Variants in AGTPBP1 observed in about 807,000 individuals in gnomAD.
AGTPBP1 encodes ATP/GTP binding carboxypeptidase 1.
Under a neutral mutation model 143.9 loss-of-function variants are expected in AGTPBP1, and 70 were observed. The observed-to-expected ratio is 0.49, with a 90% CI of 0.40 to 0.59. AGTPBP1 has a LOEUF of 0.59. Among genes scored for constraint, AGTPBP1 ranks in the 20% least tolerant of loss-of-function variants. AGTPBP1 has a pLI of 0.00. For synonymous variants in AGTPBP1, 463 were observed against 500.2 expected, an observed-to-expected ratio of 0.93 and a Z score of 0.99; for missense variants, 1,229 against 1,464.5, an observed-to-expected ratio of 0.84 and a Z score of 2.62.
At chr9:85,593,591 A>G (rs1829109631) in intron 18 of AGTPBP1, among the ~76,000 whole-genome samples, 1 of 152,204 alleles carries the variant, frequency 6.6e-6, no homozygotes, top group African/African-American at 2.4e-5. Flanking sequence ...TGTCTTAAAC[A>G]GCCTTTGTCT....
rs139321417 is a variant in AGTPBP1 at position 85,669,014 on chromosome 9, TACACAC to T, written c.662+465_662+470del. Among the ~76,000 whole-genome samples, 110 of 120,554 alleles carry T rather than the reference TACACAC, an allele frequency of 9.1e-4. 1 individual carries two copies. The highest frequency in any genetic ancestry group is 5.2e-3 in the Middle Eastern group (1 of 194). 79.1% of individuals were successfully genotyped at this position (120,554 alleles called of 152,430 possible). A position where few individuals can be genotyped will look rare whatever the true frequency, so the allele number is the denominator to read the frequency against. On this transcript the variant is annotated intron_variant, in intron 8 of 25. Coordinates refer to ENST00000357081, the MANE Select transcript of AGTPBP1 (RefSeq NM_001330701.2). ...GTGTGTGTGTGTGTGTGTGTATACA[TACACAC>T]ACACACACACACACACACATCTCAG...
In AGTPBP1 at chr9:85,579,003, C is replaced by A. The variant is rs1421781309; in HGVS notation, c.3259G>T (p.Val1087Phe). ...ACTCCTATTTCCCTCCAAACTACAA[C>A]ACGTGCTGTGGATTCTTTAGATTTT... ...VEKSKESTAR[V>F]VVWREIGVQR... The change falls in exon 24 of 26, where the codon GTT becomes TTT. Residue 1087 changes from valine (V) to phenylalanine (F), a missense_variant. Around this residue, in one of 2 missense-constraint regions of AGTPBP1, gnomAD observed 486 missense variants for 652.3 expected, o/e 0.75. Transcript: ENST00000357081. 2 of 1,612,472 alleles carry A rather than the reference C, an allele frequency of 1.2e-6. No individual in the cohort carries two copies. The highest frequency in any genetic ancestry group is 1.7e-6 in the Non-Finnish European group (2 of 1,179,450).
At chr9:85,606,314 C>T (rs975614279) in intron 17 of AGTPBP1, among the ~76,000 whole-genome samples, 1 of 151,414 alleles carries the variant, frequency 6.6e-6, no homozygotes, top group African/African-American at 2.4e-5. Context: ...TTCAACATCA[C>T]TAATCATCAG....
At chr9:85,626,204 C>T (rs1407882441) in intron 14 of AGTPBP1, among the ~76,000 whole-genome samples, 24 of 152,132 alleles carry the variant, frequency 1.6e-4, no homozygotes, top group Admixed American at 1.6e-3. Context: ...AGATACGAAT[C>T]TTACTTATAA....
At chr9:85,667,005 G>C (rs887772933) in intron 8 of AGTPBP1, among the ~76,000 whole-genome samples, 5 of 152,008 alleles carry the variant, frequency 3.3e-5, no homozygotes, top group African/African-American at 1.2e-4. Context: ...TTTACAGACA[G>C]GAAACTGGGG....
intron 23 of AGTPBP1, among the ~76,000 whole-genome samples, chr9:85,582,833 C>T (rs1297349496): frequency 6.7e-6 from 1 of 149,218 alleles, no homozygotes; most frequent in African/African-American, 2.5e-5. Context: ...AAGCCATCTG[C>T]AAAAAAAAAG....
intron 17 of AGTPBP1, among the ~76,000 whole-genome samples, chr9:85,608,661 GATATA>G (rs1181863610): frequency 7.2e-5 from 11 of 151,738 alleles, no homozygotes; most frequent in Admixed American, 3.9e-4. Flanking sequence ...AATATATTAA[GATATA>G]ATATAAGATG....
intron 17 of AGTPBP1, among the ~76,000 whole-genome samples, chr9:85,616,783 T>C (rs1830626167): frequency 6.6e-6 from 1 of 152,012 alleles, no homozygotes; most frequent in Admixed American, 6.5e-5. Flanking sequence ...ATTGAAAGTT[T>C]AAGGTTAACA....
intron 4 of AGTPBP1, among the ~76,000 whole-genome samples, chr9:85,679,195 A>G (rs1431594582): frequency 6.6e-6 from 1 of 152,190 alleles, no homozygotes; most frequent in East Asian, 1.9e-4. Context: ...TCCCATCAGC[A>G]ATGCAGAAGA....
the AGTPBP1 span, among the ~76,000 whole-genome samples, chr9:85,747,882 C>G: frequency 6.6e-6 from 1 of 152,070 alleles, no homozygotes; most frequent in African/African-American, 2.4e-5. Context: ...TATATTCAAG[C>G]AATACTTTGC....
intron 15 of AGTPBP1, among the ~76,000 whole-genome samples, chr9:85,620,779 G>C (rs961024677): frequency 6.6e-6 from 1 of 152,114 alleles, no homozygotes; most frequent in African/African-American, 2.4e-5. Context: ...TATGGAGAAG[G>C]ATCAAGCAGA....
At chr9:85,770,344 T>C in the AGTPBP1 span, 1 of 1,608,202 alleles carries the variant, frequency 6.2e-7, no homozygotes, top group South Asian at 1.1e-5. Context: ...TGCAATTGAA[T>C]ACAAGAATGA....
intron 3 of AGTPBP1, among the ~76,000 whole-genome samples, chr9:85,685,531 T>C (rs531555664): frequency 6.6e-6 from 1 of 152,014 alleles, no homozygotes; most frequent in South Asian, 2.1e-4. Flanking sequence ...CAGAATTCTA[T>C]ATCCAGTAAA....
chr9:85,588,607 GCAT>G (rs1029208605), intron 20 of AGTPBP1, 129 bp from the exon 21 acceptor site: 17 of 899,370 alleles, frequency 1.9e-5, no homozygotes, highest in Non-Finnish European at 2.8e-5. Flanking sequence ...ACCCAATGGT[GCAT>G]CCTACAAGCA....
At chr9:85,574,397 A>G (rs932018479) in intron 25 of AGTPBP1, among the ~76,000 whole-genome samples, 9 of 148,290 alleles carry the variant, frequency 6.1e-5, no homozygotes, top group African/African-American at 2.3e-4. Context: ...TTATCTGCTG[A>G]CCTTCCCTCC....
At chr9:85,609,224 T>C (rs1418905104) in intron 17 of AGTPBP1, among the ~76,000 whole-genome samples, 1 of 152,118 alleles carries the variant, frequency 6.6e-6, no homozygotes. Flanking sequence ...TACTCCCTAA[T>C]TGTTCATTGA....
Position 85,657,530 on chromosome 9 carries a change from T to C in AGTPBP1, c.814A>G (p.Ile272Val), listed in dbSNP as rs1214704486. Residue 272 changes from isoleucine to valine, a missense_variant, in exon 10 of 26, where the codon ATT (isoleucine) becomes GTT (valine). Transcript: ENST00000357081. Reference sequence around the variant, plus strand: ...GTAACACTTTTTAAACTCTGTAAAATTCCTTTCCGAATGAGCATGTTTCTA... The same window carrying C: ...GTAACACTTTTTAAACTCTGTAAAACTCCTTTCCGAATGAGCATGTTTCTA... ...RHRNMLIRKG[I>V]LQSLKSVTNI... The C allele has an allele frequency of 1.2e-6, 2 of 1,613,872 alleles. No homozygotes were observed. The highest frequency in any genetic ancestry group is 1.7e-6 in the Non-Finnish European group (2 of 1,179,936).
the AGTPBP1 span, chr9:85,774,032 C>T: frequency 6.3e-7 from 1 of 1,585,168 alleles, no homozygotes; most frequent in South Asian, 1.1e-5. Flanking sequence ...TACATCATTT[C>T]AAAGGTAACT....
rs1431318812 is a variant in AGTPBP1 at position 85,672,678 on chromosome 9, T to G, written c.440A>C (p.Lys147Thr). 3 of 1,588,372 alleles carry G rather than the reference T, an allele frequency of 1.9e-6. No individual in the cohort carries two copies. The highest frequency in any genetic ancestry group is 2.6e-6 in the Non-Finnish European group (3 of 1,171,868). The part of the protein sequence containing the change: ...SILAKIGPKD[K>T]KFGVKARING... Reference sequence around the variant, plus strand: ...AATTCTAGCCTTTACTCCAAATTTTTTATCTGTTTAAAAAAAAAAAAGACA... The same window carrying G: ...AATTCTAGCCTTTACTCCAAATTTTGTATCTGTTTAAAAAAAAAAAAGACA... Residue 147 changes from lysine (K) to threonine (T), a missense_variant, in exon 7 of 26, where the codon AAA becomes ACA. Coordinates refer to ENST00000357081, the MANE Select transcript of AGTPBP1 (RefSeq NM_001330701.2).
Sources: allele counts gnomAD v4.1 joint callset (sites outside exome capture counted in the v4.1 genomes callset), GRCh38; gene constraint gnomAD v4.1.1; regional missense constraint gnomAD v4.1.1; transcripts MANE v1.5; gene names NCBI Gene and HGNC (gene_info 2026-07-23, HGNC 2026-07-21).